Variants in NUP210 observed in about 807,000 individuals in gnomAD.
The protein encoded by NUP210 is nucleoporin 210, also known as nuclear pore membrane glycoprotein 210.
Under a neutral mutation model 196.0 loss-of-function variants are expected in NUP210, and 151 were observed. The ratio of observed to expected loss-of-function variants is 0.77; its 90% CI spans 0.67 to 0.88. The LOEUF (loss-of-function observed/expected upper bound fraction) is 0.88, where lower values mean the gene tolerates loss of function less well. NUP210 is among the 40% of genes least tolerant of loss of function. The pLI is 0.00. For missense variants in NUP210, 2,314 were observed against 2,493.7 expected (o/e 0.93, Z 1.53); for synonymous variants, 1,070 against 1,052.7 (o/e 1.02, Z -0.32).
intron 35 of NUP210, 60 bp downstream of exon 35, chr3:13,322,133 G>T: frequency 1.9e-6 from 3 of 1,590,888 alleles, no homozygotes; most frequent in Non-Finnish European, 2.6e-6. Context: ...GAAGCCGCAA[G>T]ATGCCCAGAA....
At chr3:13,325,610 GA>G (rs921075590) in intron 33 of NUP210, among the ~76,000 whole-genome samples, 184 bp downstream of exon 33, 1 of 151,740 alleles carries the variant, frequency 6.6e-6, no homozygotes, top group African/African-American at 2.4e-5. Flanking sequence ...CTGAAGCCTG[GA>G]AAAAAAAGGG....
At chr3:13,352,419 C>T (rs1030061475) in intron 18 of NUP210, among the ~76,000 whole-genome samples, 19 of 152,238 alleles carry the variant, frequency 1.2e-4, no homozygotes, top group African/African-American at 4.1e-4. Flanking sequence ...AGCAATCCAG[C>T]TTAGAAGACG....
chr3:13,354,399 G>A lies in NUP210; in HGVS notation c.2329-292C>T, dbSNP rs1698095678. 4.3e-5 allele frequency: 18 copies of A among 419,618 alleles called. 1 individual carries two copies. The South Asian group carries it at 4.8e-4, about 11-fold the overall frequency. The allele number at this position is 419,618 out of a possible 1,614,324, so 26.0% of individuals were successfully genotyped here. ...GGCTGTCCCTACGCATGAGTCAGGG[G>A]GTTGCCACTGGCATCTACTCGGGAG... On this transcript the variant is annotated intron_variant, in intron 16 of 39. Transcript: ENST00000254508.
intron 16 of NUP210, among the ~76,000 whole-genome samples, chr3:13,355,464 C>T (rs1339515191): frequency 6.6e-6 from 1 of 152,212 alleles, no homozygotes; most frequent in African/African-American, 2.4e-5. Flanking sequence ...GGTCTCCCAG[C>T]CAACTAGAGA....
intron 28 of NUP210, among the ~76,000 whole-genome samples, chr3:13,333,825 T>C (rs954279576): frequency 1.5e-4 from 23 of 152,188 alleles, no homozygotes; most frequent in Non-Finnish European, 1.0e-4. Flanking sequence ...ATTCCTATTT[T>C]CTCTCTTTAG....
Position 13,373,816 on chromosome 3 carries a change from CTG to C in NUP210, c.1487_1488del (p.Thr496SerfsTer12). 6.2e-7 allele frequency: 1 copy of C among 1,614,144 alleles called. No homozygotes were observed. The highest frequency in any genetic ancestry group is 2.2e-5 in the East Asian group (1 of 44,880). On this transcript the variant is annotated frameshift_variant, in exon 12 of 40. Transcript: ENST00000254508. LOFTEE classifies it high-confidence loss of function. ...SWSSSSHLVA[T>X]VTVKGVMTTG... The stretch of plus-strand genomic sequence containing the variant: ...GTGGTCATCACGCCCTTGACAGTAA[CTG>C]TGGCAACCAGGTGGCTTGACGAAGA...
At chr3:13,358,952 A>G (rs1336197519) in intron 15 of NUP210, among the ~76,000 whole-genome samples, 1 of 152,218 alleles carries the variant, frequency 6.6e-6, no homozygotes, top group Non-Finnish European at 1.5e-5. Flanking sequence ...ATGGTGCAAG[A>G]AAAGAGGGAA....
intron 1 of NUP210, among the ~76,000 whole-genome samples, chr3:13,405,725 G>A (rs771781063): frequency 3.9e-5 from 6 of 152,134 alleles, no homozygotes; most frequent in Non-Finnish European, 8.8e-5. Context: ...TCCTCCACCA[G>A]CCCTGTATGG....
At position 13,317,579 on chromosome 3, in the gene NUP210, C is replaced by G. The variant is rs1696319085; in HGVS notation, c.*102G>C. 1.1e-6 allele frequency: 1 copy of G among 877,944 alleles called. No individual in the cohort carries two copies. The highest frequency in any genetic ancestry group is 2.0e-5 in the Admixed American group (1 of 49,898). 54.4% of individuals were successfully genotyped at this position (877,944 alleles called of 1,614,324 possible). Reference sequence around the variant, plus strand: ...GAAGCTGGCCTGGGGCCGGGGCACTCATCTGGAGGGGCTTGTTCCAGTGTG... The same window carrying G: ...GAAGCTGGCCTGGGGCCGGGGCACTGATCTGGAGGGGCTTGTTCCAGTGTG... On this transcript the variant is annotated 3_prime_UTR_variant, in exon 40 of 40. Coordinates refer to ENST00000254508, the MANE Select transcript of NUP210 (RefSeq NM_024923.4).
chr3:13,371,890 G>C lies in NUP210; in HGVS notation c.1730C>G (p.Ser577Cys). 3 of 1,610,582 alleles carry C rather than the reference G, an allele frequency of 1.9e-6. No homozygotes were observed. The highest frequency in any genetic ancestry group is 2.5e-6 in the Non-Finnish European group (3 of 1,178,776). ...CACCTCGACAGCCAAGTCAAAGTGG[G>C]AGCAGTCGCTCAAGGTGACCACCTC... is the stretch of plus-strand genomic sequence containing the variant. ...ASEVVTLSDC[S>C]HFDLAVEVEN... Residue 577 changes from serine to cysteine, a missense_variant, in exon 13 of 40, where the codon TCC becomes TGC. Ser to Cys is a moderately radical substitution (Grantham distance 112). Transcript: ENST00000254508.
At chr3:13,373,954 G>A in intron 11 of NUP210, 81 bp from the exon 12 acceptor site, 1 of 1,478,820 alleles carries the variant, frequency 6.8e-7, no homozygotes, top group Non-Finnish European at 9.3e-7. Context: ...ACACGTGCGT[G>A]TGCATGCACG....
At position 13,354,112 on chromosome 3, in the gene NUP210, A is replaced by G. The variant is rs757998065; in HGVS notation, c.2329-5T>C. The G allele has an allele frequency of 3.8e-6, 6 of 1,579,444 alleles. No individual in the cohort carries two copies. The highest frequency in any genetic ancestry group is 1.8e-5 in the Admixed American group (1 of 54,970). ...GCGGTGGCTGGACACTGGGACCTGC[A>G]GGGAACACAGGTCAGATGTTGTGGT... On this transcript the variant is annotated splice_region_variant and splice_polypyrimidine_tract_variant and intron_variant, in intron 16 of 39. Transcript: ENST00000254508.
intron 14 of NUP210, among the ~76,000 whole-genome samples, chr3:13,362,055 T>G (rs989800204): frequency 6.6e-6 from 1 of 152,194 alleles, no homozygotes; most frequent in Non-Finnish European, 1.5e-5. Context: ...CTGGTGCTCC[T>G]CACCCTGAAG....
Position 13,340,165 on chromosome 3 carries a change from A to C in NUP210, c.3291+71T>G. 6.2e-7 allele frequency: 1 copy of C among 1,605,932 alleles called. No homozygotes were observed. The highest frequency in any genetic ancestry group is 8.5e-7 in the Non-Finnish European group (1 of 1,174,016). On this transcript the variant is annotated intron_variant, in intron 24 of 39. Coordinates refer to ENST00000254508, the MANE Select transcript of NUP210 (RefSeq NM_024923.4). The surrounding 1 kb of genome is among the most constrained non-coding windows in gnomAD (Gnocchi z 4.0). Reference sequence around the variant, plus strand: ...TCCCAGTCACTGCACGCAGGGCCAGAGGCGGCGTGCCTGGAACCAGGTGGT... The same window carrying C: ...TCCCAGTCACTGCACGCAGGGCCAGCGGCGGCGTGCCTGGAACCAGGTGGT...
chr3:13,348,403 ACAGGTG>A lies in NUP210; in HGVS notation c.2835+3470_2835+3475del. ...CCACCCTCAGAGCTTGCACAGAATG[ACAGGTG>A]CAAGGTAAATGTGAATGAGAGTGTG... On this transcript the variant is annotated intron_variant, in intron 20 of 39. Transcript: ENST00000254508. The surrounding 1 kb of genome is among the most constrained non-coding windows in gnomAD (Gnocchi z 4.0). 1.0e-6 allele frequency: 1 copy of A among 985,402 alleles called. No individual in the cohort carries two copies. Among genetic ancestry groups the A allele is most frequent in the Non-Finnish European group, 1.2e-6 (1 of 829,922 alleles). The allele number at this position is 985,402 out of a possible 1,614,324, so 61.0% of individuals were successfully genotyped here. A position where few individuals can be genotyped will look rare whatever the true frequency, so the allele number is the denominator to read the frequency against.
At chr3:13,334,143 A>T (rs989375087) in intron 28 of NUP210, among the ~76,000 whole-genome samples, 1 of 152,178 alleles carries the variant, frequency 6.6e-6, no homozygotes, top group African/African-American at 2.4e-5. Context: ...AGCCAAATAA[A>T]ACACGTTTGT....
At chr3:13,335,382 G>A in intron 28 of NUP210, 72 bp downstream of exon 28, 4 of 1,538,660 alleles carry the variant, frequency 2.6e-6, no homozygotes, top group Non-Finnish European at 3.6e-6. Context: ...TGCAACATGT[G>A]GCCCCGAAGG....
At chr3:13,322,867 T>A (rs1339071740) in intron 34 of NUP210, among the ~76,000 whole-genome samples, 1 of 152,228 alleles carries the variant, frequency 6.6e-6, no homozygotes, top group Non-Finnish European at 1.5e-5. Flanking sequence ...CCCTGTTGAC[T>A]TACTTATTTC....
chr3:13,360,035 A>G (rs1473900570), intron 15 of NUP210, among the ~76,000 whole-genome samples: 3 of 152,188 alleles, frequency 2.0e-5, no homozygotes, highest in Non-Finnish European at 4.4e-5. Context: ...AAGCCACCCA[A>G]CTGGCCTACT....
Sources: allele counts gnomAD v4.1 joint callset (sites outside exome capture counted in the v4.1 genomes callset), GRCh38; gene constraint gnomAD v4.1.1; non-coding constraint Gnocchi (gnomAD v3.1); transcripts MANE v1.5; gene names NCBI Gene and HGNC (gene_info 2026-07-23, HGNC 2026-07-21).